Variants in KCTD17 observed in about 807,000 individuals in gnomAD.
KCTD17 encodes potassium channel tetramerization domain containing 17.
A neutral mutation model predicts 41.5 loss-of-function variants in KCTD17; 20 were observed. The observed-to-expected ratio is 0.48, with a 90% confidence interval of 0.34 to 0.70. KCTD17 has a LOEUF of 0.70. Ranked by LOEUF, KCTD17 falls within the 30% of genes least tolerant of loss-of-function variation. KCTD17 has a pLI of 0.01. For synonymous variants in KCTD17, 156 were observed against 173.8 expected (o/e 0.90, Z 0.80); for missense variants, 317 against 427.2 (o/e 0.74, Z 2.27).
rs990931373 is a variant in KCTD17 at position 37,053,666 on chromosome 22, G to A, written c.298+458G>A. Among the ~76,000 whole-genome samples, 2 of 152,152 alleles carry A rather than the reference G, an allele frequency of 1.3e-5. No individual in the cohort carries two copies. Among genetic ancestry groups the A allele is most frequent in the African/African-American group, 2.4e-5 (1 of 41,420 alleles). On this transcript the variant is annotated intron_variant, in intron 2 of 8. Transcript: ENST00000403888. The surrounding 1 kb of genome is among the most constrained non-coding windows in gnomAD (Gnocchi z 4.1). ...GTGAGGGCTTGTAAGTGGGTGGAGC[G>A]GGTGACTGTTCACTAAGTCTGGCAG...
At position 37,053,944 on chromosome 22, in the gene KCTD17, C is replaced by G. The variant is rs1486780551; in HGVS notation, c.298+736C>G. ...AGGGTGTGGCTCTGGGTCAGCTGAT[C>G]CAGCCAGACCAGCTTGAATATGTCA... On this transcript the variant is annotated intron_variant, in intron 2 of 8. Coordinates refer to ENST00000403888, the MANE Select transcript of KCTD17 (RefSeq NM_001282684.2). This position sits in a 1 kb window ranked among gnomAD's most constrained non-coding sequence, Gnocchi z 4.1. 6.6e-6 allele frequency among the ~76,000 whole-genome samples: 1 copy of G among 152,174 alleles called. No homozygotes were observed. The highest frequency in any genetic ancestry group is 1.5e-5 in the Non-Finnish European group (1 of 68,016).
At position 37,060,929 on chromosome 22, in the gene KCTD17, C is replaced by A; in HGVS notation, c.712+7C>A. On this transcript the variant is annotated splice_region_variant and intron_variant, in intron 6 of 8. Coordinates refer to ENST00000403888, the MANE Select transcript of KCTD17 (RefSeq NM_001282684.2). ...GCAGATGCACAGGAGAAAGGTGCAG[C>A]CAACCCCCAGGAGGATGATTGCTAA... is the stretch of plus-strand genomic sequence containing the variant. 1 of 1,538,442 alleles carries A rather than the reference C, an allele frequency of 6.5e-7. No individual in the cohort carries two copies. The highest frequency in any genetic ancestry group is 8.8e-7 in the Non-Finnish European group (1 of 1,139,624).
chr22:37,059,461 G>T, intron 5 of KCTD17, 23 bp downstream of exon 5: 1 of 1,598,006 alleles, frequency 6.3e-7, no homozygotes, highest in Non-Finnish European at 8.5e-7. Context: ...GCCTCAGCCT[G>T]TGTCCGGAGA....
At chr22:37,054,033 G>A (rs751163807) in intron 2 of KCTD17, among the ~76,000 whole-genome samples, 1 of 152,164 alleles carries the variant, frequency 6.6e-6, no homozygotes, top group Non-Finnish European at 1.5e-5. Context: ...CTTCTGGAGG[G>A]AGATGTCATA....
rs1331350545 is a variant in KCTD17, at chr22:37,054,296, G to A, written c.298+1088G>A. ...GGAGGGAAGTAAACACCCCAGCTGC[G>A]TCGCAGCCAGCACCTGTTTACACGC... On this transcript the variant is annotated intron_variant, in intron 2 of 8. Transcript: ENST00000403888. Among the ~76,000 whole-genome samples the A allele has an allele frequency of 6.6e-5, 10 of 152,290 alleles. No homozygotes were observed. In the East Asian group the frequency reaches 1.4e-3, roughly 21 times the overall value.
chr22:37,061,212 G>T lies in KCTD17; in HGVS notation c.784+37G>T. On this transcript the variant is annotated intron_variant, in intron 7 of 8. Transcript: ENST00000403888. This position sits in a 1 kb window ranked among gnomAD's most constrained non-coding sequence, Gnocchi z 6.6. Reference sequence around the variant, plus strand: ...TCTTCATCCACCTCTTCTTCCTCCTGGATCTCATCTGCACCCTGCCTCTTC... The same window carrying T: ...TCTTCATCCACCTCTTCTTCCTCCTTGATCTCATCTGCACCCTGCCTCTTC... 1 of 1,550,232 alleles carries T rather than the reference G, an allele frequency of 6.5e-7. No homozygotes were observed.
intron 1 of KCTD17, 175 bp downstream of exon 1, chr22:37,052,124 G>A: frequency 1.1e-6 from 1 of 878,310 alleles, no homozygotes; most frequent in Non-Finnish European, 1.6e-6. Context: ...CTGGTAGTGA[G>A]GGATGTACCC....
rs1007383961 is a variant in KCTD17 at position 37,053,538 on chromosome 22, G to A, written c.298+330G>A. ...GCCTCCTAGGAAGCCAGGTGTGGAC[G>A]GTCACATCCGGAGGCTGGGGTGACA... On this transcript the variant is annotated intron_variant, in intron 2 of 8. Transcript: ENST00000403888. The surrounding 1 kb of genome is among the most constrained non-coding windows in gnomAD (Gnocchi z 4.1). 3.3e-5 allele frequency among the ~76,000 whole-genome samples: 5 copies of A among 152,204 alleles called. No individual in the cohort carries two copies. The highest frequency in any genetic ancestry group is 6.5e-5 in the Admixed American group (1 of 15,284).
Position 37,053,178 on chromosome 22 carries a change from C to T in KCTD17, c.268C>T (p.Leu90=). The T allele has an allele frequency of 6.2e-7, 1 of 1,606,028 alleles. No homozygotes were observed. The change falls in exon 2 of 9, where the codon CTG becomes TTG. Residue 90 remains leucine (L), a synonymous_variant. Coordinates refer to ENST00000403888, the MANE Select transcript of KCTD17 (RefSeq NM_001282684.2). This position sits in a 1 kb window ranked among gnomAD's most constrained non-coding sequence, Gnocchi z 4.1. ...CCTGAACTTCCTCCGGCATGGCAAG[C>T]TGGTGCTGGACAAGGACATGGCTGA... ...PILNFLRHGK[L]VLDKDMAEEG...
chr22:37,059,308 T>C lies in KCTD17; in HGVS notation c.487-5T>C. 6.2e-7 allele frequency: 1 copy of C among 1,612,010 alleles called. No individual in the cohort carries two copies. On this transcript the variant is annotated splice_polypyrimidine_tract_variant and splice_region_variant and intron_variant, in intron 4 of 8. Transcript: ENST00000403888. ...CATTTTTCTCCCCATGCTCCGCCCC[T>C]CTAGCTGGTGAACATCGGCTCCTCC...
chr22:37,062,005 G>C, intron 8 of KCTD17: 3 of 985,436 alleles, frequency 3.0e-6, no homozygotes, highest in Non-Finnish European at 3.6e-6. Flanking sequence ...GTGGCTTAAG[G>C]ATTGCAGAGT....
chr22:37,058,847 G>T (rs142445922), intron 4 of KCTD17, among the ~76,000 whole-genome samples: 1 of 152,182 alleles, frequency 6.6e-6, no homozygotes, highest in African/African-American at 2.4e-5. Context: ...ACCACCTGTC[G>T]TCCCACCTCT....
chr22:37,057,277 C>T (rs1254405617), intron 3 of KCTD17, 121 bp from the exon 4 acceptor site: 3 of 792,038 alleles, frequency 3.8e-6, no homozygotes, highest in Admixed American at 4.0e-5. Flanking sequence ...ACCACCTCTT[C>T]TTTCTCTCCC....
Position 37,053,147 on chromosome 22 carries a change from G to C in KCTD17, c.237G>C (p.Gly79=). Reference sequence around the variant, plus strand: ...TTGACCGTGACCCCACCTACTTCGGGCCCATCCTGAACTTCCTCCGGCATG... The same window carrying C: ...TTGACCGTGACCCCACCTACTTCGGCCCCATCCTGAACTTCCTCCGGCATG... The part of the protein sequence containing the change: ...YLIDRDPTYF[G]PILNFLRHGK... The change falls in exon 2 of 9, where the codon GGG becomes GGC. Residue 79 remains glycine, a synonymous_variant. Coordinates refer to ENST00000403888, the MANE Select transcript of KCTD17 (RefSeq NM_001282684.2). This position sits in a 1 kb window ranked among gnomAD's most constrained non-coding sequence, Gnocchi z 4.1. 6.2e-7 allele frequency: 1 copy of C among 1,604,566 alleles called. No homozygotes were observed.
intron 5 of KCTD17, among the ~76,000 whole-genome samples, 177 bp from the exon 6 acceptor site, chr22:37,060,646 C>A (rs567198769): frequency 1.1e-4 from 17 of 152,316 alleles, no homozygotes; most frequent in South Asian, 6.2e-4. Flanking sequence ...CAGGCCCTCC[C>A]CAAGCTGCCC....
intron 4 of KCTD17, among the ~76,000 whole-genome samples, chr22:37,058,339 G>C (rs1050886849): frequency 6.6e-6 from 1 of 152,260 alleles, no homozygotes; most frequent in Non-Finnish European, 1.5e-5. Flanking sequence ...AGACATGCCT[G>C]CCACCTTGGG....
chr22:37,055,763 G>A (rs1925031945), intron 2 of KCTD17, among the ~76,000 whole-genome samples: 1 of 152,202 alleles, frequency 6.6e-6, no homozygotes, highest in Admixed American at 6.5e-5. Context: ...ACAGTGGGGA[G>A]ACATGGGCTC....
chr22:37,051,909 T>C lies in KCTD17; in HGVS notation c.149T>C (p.Leu50Pro). 1 of 1,504,096 alleles carries C rather than the reference T, an allele frequency of 6.6e-7. No individual in the cohort carries two copies. The highest frequency in any genetic ancestry group is 2.7e-5 in the East Asian group (1 of 37,338). The allele number at this position is 1,504,096 out of a possible 1,614,324, so 93.2% of individuals were successfully genotyped here. The change falls in exon 1 of 9, where the codon CTC becomes CCC. Residue 50 changes from leucine to proline, a missense_variant. Leu to Pro is a moderately conservative substitution (Grantham distance 98, BLOSUM62 -3). This residue lies in a region of KCTD17 where 99 missense variants were observed against 166.5 expected (regional missense o/e 0.59). Coordinates refer to ENST00000403888, the MANE Select transcript of KCTD17 (RefSeq NM_001282684.2). Reference sequence around the variant, plus strand: ...CTGTGCCGCGAGCAGAAGTCCTTCCTCAGCCGCCTGTGCCAGGGGGAAGAG... The same window carrying C: ...CTGTGCCGCGAGCAGAAGTCCTTCCCCAGCCGCCTGTGCCAGGGGGAAGAG... ...QTLCREQKSF[L>P]SRLCQGEELQ... is the part of the protein sequence containing the mutation.
chr22:37,052,461 C>T (rs1362830293), intron 1 of KCTD17: 2 of 451,848 alleles, frequency 4.4e-6, no homozygotes, highest in Non-Finnish European at 9.0e-6. Flanking sequence ...ACACTGCCTG[C>T]CGCGACCTTG....
Sources: gnomAD v4.1 joint callset for allele counts (sites outside exome capture counted in the v4.1 genomes callset) on GRCh38, gnomAD v4.1.1 for gene constraint, gnomAD v4.1.1 regional missense constraint, Gnocchi (gnomAD v3.1) non-coding constraint, MANE v1.5 for transcripts, NCBI Gene and HGNC (gene_info 2026-07-23, HGNC 2026-07-21) for gene names.